The following DNM3 variants were observed in gnomAD, a reference collection of about 807,000 sequenced individuals.
DNM3 encodes the protein dynamin 3.
In DNM3, 47 loss-of-function variants were observed where a neutral mutation model predicts 101.6. That is an observed-to-expected ratio of 0.46 (90% CI 0.37 to 0.59). The LOEUF is 0.59. DNM3 is among the 20% of genes least tolerant of loss of function. The pLI, the probability that DNM3 is intolerant of heterozygous loss-of-function variation, is 0.00. For synonymous variants in DNM3, 385 were observed against 387.9 expected (o/e 0.99, Z 0.09); for missense variants, 849 against 1,085.7 (o/e 0.78, Z 3.06).
At chr1:172,363,547 C>A (rs1421835850) in intron 17 of DNM3, among the ~76,000 whole-genome samples, 1 of 151,758 alleles carries the variant, frequency 6.6e-6, no homozygotes, top group Non-Finnish European at 1.5e-5. Context: ...TTATAGAAAC[C>A]CACTTGATTC....
chr1:171,865,564 C>A (rs1254191047), intron 1 of DNM3, among the ~76,000 whole-genome samples: 1 of 145,484 alleles, frequency 6.9e-6, no homozygotes, highest in Non-Finnish European at 1.5e-5. Context: ...ACTGAAGAGG[C>A]AGGACCAAGG....
chr1:171,861,539 C>A (rs1333467858), intron 1 of DNM3, among the ~76,000 whole-genome samples: 1 of 151,990 alleles, frequency 6.6e-6, no homozygotes, highest in Non-Finnish European at 1.5e-5. Flanking sequence ...TATCCATGTG[C>A]AAAAGAATAC....
intron 2 of DNM3, among the ~76,000 whole-genome samples, chr1:171,943,902 C>T (rs2041978405): frequency 6.6e-6 from 1 of 152,026 alleles, no homozygotes; most frequent in Non-Finnish European, 1.5e-5. Context: ...GATTACTAGT[C>T]TGGCTAAGAG....
At chr1:171,925,376 C>T (rs182015542) in intron 2 of DNM3, among the ~76,000 whole-genome samples, 10 of 152,120 alleles carry the variant, frequency 6.6e-5, no homozygotes, top group Non-Finnish European at 1.5e-4. Flanking sequence ...TGCAGGTACC[C>T]ACCACCACAC....
chr1:172,182,510 A>T (rs1412724614), intron 14 of DNM3, among the ~76,000 whole-genome samples: 2 of 152,134 alleles, frequency 1.3e-5, no homozygotes, highest in African/African-American at 4.8e-5. Context: ...CCAGCAATAA[A>T]TCCAACTCAT....
chr1:172,356,241 G>A (rs1227001383), intron 17 of DNM3, among the ~76,000 whole-genome samples: 1 of 151,386 alleles, frequency 6.6e-6, no homozygotes, highest in East Asian at 1.9e-4. Context: ...ACAAAGAAGT[G>A]GGTAAACATT....
chr1:171,841,626 G>A lies in DNM3; in HGVS notation c.-31G>A, dbSNP rs765519410. On this transcript the variant is annotated 5_prime_UTR_variant, in exon 1 of 21. Coordinates refer to ENST00000627582, the MANE Select transcript of DNM3 (RefSeq NM_015569.5). ...CCTGTCAGGTCGTAGAGGCGAGCAG[G>A]GACCAGCTGGTCGCCGGCCCCTCGG... 6.3e-7 allele frequency: 1 copy of A among 1,596,096 alleles called. No individual in the cohort carries two copies. Among genetic ancestry groups the A allele is most frequent in the Non-Finnish European group, 8.5e-7 (1 of 1,172,736 alleles).
At chr1:172,369,984 G>A (rs974112516) in intron 17 of DNM3, among the ~76,000 whole-genome samples, 4 of 151,786 alleles carry the variant, frequency 2.6e-5, no homozygotes, top group Non-Finnish European at 4.4e-5. Context: ...AAGAACATCA[G>A]TTATATTGGA....
intron 14 of DNM3, among the ~76,000 whole-genome samples, chr1:172,180,484 C>A (rs1050323037): frequency 6.6e-6 from 1 of 152,070 alleles, no homozygotes; most frequent in East Asian, 1.9e-4. Context: ...CAAGTGGATT[C>A]ATTGTAATAT....
chr1:172,384,359 A>G (rs1316246918), intron 18 of DNM3, among the ~76,000 whole-genome samples: 1 of 152,204 alleles, frequency 6.6e-6, no homozygotes, highest in Non-Finnish European at 1.5e-5. Context: ...AGTAAAAATC[A>G]CAGCATTTTT....
chr1:172,302,448 G>A (rs1390884312), intron 15 of DNM3, among the ~76,000 whole-genome samples: 4 of 152,252 alleles, frequency 2.6e-5, no homozygotes, highest in Admixed American at 2.0e-4. Flanking sequence ...ACAGGGCATA[G>A]TTCAACAAAA....
At chr1:172,348,108 G>A (rs1467353650) in intron 17 of DNM3, among the ~76,000 whole-genome samples, 1 of 152,022 alleles carries the variant, frequency 6.6e-6, no homozygotes, top group East Asian at 1.9e-4. Context: ...AGAGGCAGGG[G>A]GCTGAGTTGG....
chr1:172,038,389 T>A lies in DNM3; in HGVS notation c.920T>A (p.Ile307Lys), dbSNP rs762348915. The change falls in exon 7 of 21, where the codon ATA becomes AAA. Residue 307 changes from isoleucine to lysine, a missense_variant. Physicochemically the swap from Ile to Lys is moderately radical, Grantham distance 102. Around this residue, in one of 5 missense-constraint regions of DNM3, gnomAD observed 388 missense variants for 483.0 expected, o/e 0.80. Transcript: ENST00000627582. ...RNKLQGQLLSIEHEVEAYKNF... is the reference protein window; with the variant it reads ...RNKLQGQLLSKEHEVEAYKNF... ...AAACTACAGGGACAGTTGCTCTCCA[T>A]AGAACATGAAGTAGAAGCCTACAAA... 1 of 1,613,320 alleles carries A rather than the reference T, an allele frequency of 6.2e-7. No individual in the cohort carries two copies.
intron 15 of DNM3, among the ~76,000 whole-genome samples, chr1:172,266,047 T>C (rs2062846137): frequency 6.6e-6 from 1 of 152,196 alleles, no homozygotes; most frequent in African/African-American, 2.4e-5. Context: ...TCCCAGCATA[T>C]TGCTGACACT....
chr1:172,290,156 T>C (rs2063848431), intron 15 of DNM3: 1 of 305,388 alleles, frequency 3.3e-6, no homozygotes, highest in Admixed American at 6.5e-5. Flanking sequence ...AGGAATATAT[T>C]GGTGAACATT....
intron 10 of DNM3, among the ~76,000 whole-genome samples, chr1:172,053,635 A>G (rs188075649): frequency 1.5e-3 from 233 of 152,326 alleles, no homozygotes; most frequent in Non-Finnish European, 3.7e-4. Context: ...TTTACTAACA[A>G]TTTAGATGTT....
chr1:172,390,015 A>G (rs1488263649), intron 20 of DNM3, among the ~76,000 whole-genome samples: 1 of 152,240 alleles, frequency 6.6e-6, no homozygotes, highest in Non-Finnish European at 1.5e-5. Flanking sequence ...TCCCCAGATC[A>G]TATGACATGA....
chr1:172,209,700 A>T (rs1273073290), intron 14 of DNM3, among the ~76,000 whole-genome samples: 1 of 152,076 alleles, frequency 6.6e-6, no homozygotes, highest in Non-Finnish European at 1.5e-5. Flanking sequence ...ATGGCTTGTA[A>T]GCACATATAA....
At chr1:172,001,119 T>G (rs1160846181) in intron 4 of DNM3, among the ~76,000 whole-genome samples, 1 of 152,006 alleles carries the variant, frequency 6.6e-6, no homozygotes, top group African/African-American at 2.4e-5. Flanking sequence ...ATTGGATTAT[T>G]TTTCCATTTT....
Sources: gnomAD v4.1 joint callset for allele counts (sites outside exome capture counted in the v4.1 genomes callset) on GRCh38, gnomAD v4.1.1 for gene constraint, gnomAD v4.1.1 regional missense constraint, MANE v1.5 for transcripts, NCBI Gene and HGNC (gene_info 2026-07-23, HGNC 2026-07-21) for gene names.